The following SSH2 variants were observed in gnomAD, a reference collection of about 807,000 sequenced individuals.
SSH2 encodes the protein protein phosphatase Slingshot homolog 2.
SSH2 carries 37 observed loss-of-function variants against 135.2 expected under a neutral mutation model. The ratio of observed to expected loss-of-function variants is 0.27; its 90% CI spans 0.21 to 0.36. SSH2 has a LOEUF of 0.36. Ranked by LOEUF, SSH2 falls within the 10% of genes least tolerant of loss-of-function variation. The pLI is 1.00. For synonymous variants in SSH2, 628 were observed against 646.2 expected (o/e 0.97, Z 0.43); for missense variants, 1,408 against 1,765.3 (o/e 0.80, Z 3.63).
At chr17:29,780,432 T>C (rs1174842623) in intron 3 of SSH2, 1 of 136,332 alleles carries the variant, frequency 7.3e-6, no homozygotes, top group Non-Finnish European at 1.6e-5. Context: ...TGAGATTGTT[T>C]CAATTTTTTT....
intron 3 of SSH2, among the ~76,000 whole-genome samples, chr17:29,776,964 C>T (rs897113642): frequency 6.6e-6 from 1 of 152,198 alleles, no homozygotes; most frequent in Non-Finnish European, 1.5e-5. Context: ...GTAATCCCAA[C>T]ACTGTGGGAG....
chr17:29,761,871 G>GTGTGTA (rs1334168372), intron 3 of SSH2, among the ~76,000 whole-genome samples: 35 of 98,776 alleles, frequency 3.5e-4, no homozygotes, highest in African/African-American at 1.2e-3. Context: ...GTGTGTGTGT[G>GTGTGTA]TATATATATA....
intron 6 of SSH2, among the ~76,000 whole-genome samples, chr17:29,678,715 T>TTTC (rs1430091216): frequency 6.4e-5 from 9 of 140,558 alleles, no homozygotes; most frequent in East Asian, 6.2e-4. Context: ...TACTATTTCT[T>TTTC]TTTTTTTTTT....
In SSH2 at chr17:29,672,034, T is replaced by C. The variant is rs1477128739; in HGVS notation, c.710A>G (p.Glu237Gly). The C allele has an allele frequency of 1.2e-6, 2 of 1,614,056 alleles. No individual in the cohort carries two copies. The highest frequency in any genetic ancestry group is 1.7e-6 in the Non-Finnish European group (2 of 1,179,882). Residue 237 changes from glutamate to glycine, a missense_variant, in exon 9 of 16, where the codon GAG becomes GGG. Around this residue, in one of 3 missense-constraint regions of SSH2, gnomAD observed 222 missense variants for 355.6 expected, o/e 0.62. Transcript: ENST00000540801. ...SLFLTWVSYY[E>G]SHINSDQSSV... Reference sequence around the variant, plus strand: ...GGATTGATCTGAGTTGATATGGCTCTCATAATAACTCACCCAAGTGAGAAA... The same window carrying C: ...GGATTGATCTGAGTTGATATGGCTCCCATAATAACTCACCCAAGTGAGAAA...
chr17:29,753,422 C>T (rs1046052323), intron 3 of SSH2, among the ~76,000 whole-genome samples: 1 of 151,876 alleles, frequency 6.6e-6, no homozygotes, highest in Non-Finnish European at 1.5e-5. Context: ...TGAGCCACTG[C>T]GCCCGGCTTA....
At chr17:29,637,180 T>A (rs1442519205) in intron 14 of SSH2, among the ~76,000 whole-genome samples, 2 of 152,110 alleles carry the variant, frequency 1.3e-5, no homozygotes, top group Non-Finnish European at 2.9e-5. Context: ...CTTACTGCAA[T>A]CTCTGCCTCC....
intron 3 of SSH2, among the ~76,000 whole-genome samples, chr17:29,784,065 CAAAAAAAAAAAAAA>C (rs71138857): frequency 1.1e-3 from 9 of 8,230 alleles, no homozygotes; most frequent in South Asian, 4.5e-3. Flanking sequence ...GACTCCGTCT[CAAAAAAAAAAAAAA>C]AAAAAAAAAA....
intron 3 of SSH2, among the ~76,000 whole-genome samples, chr17:29,725,973 A>G (rs1266099417): frequency 6.6e-6 from 1 of 152,090 alleles, no homozygotes; most frequent in Non-Finnish European, 1.5e-5. Flanking sequence ...AGAGACAAAT[A>G]AGTAAAATGT....
At chr17:29,709,015 T>TATATATATATATATATATATATATAG (rs780981175) in intron 3 of SSH2, among the ~76,000 whole-genome samples, 1 of 81,590 alleles carries the variant, frequency 1.2e-5, no homozygotes, top group African/African-American at 4.1e-5. Flanking sequence ...TATATATATA[T>TATATATATATATATATATATATATAG]AGAGAGAGAG....
chr17:29,691,435 C>T (rs1026953037), intron 5 of SSH2, among the ~76,000 whole-genome samples: 1 of 152,018 alleles, frequency 6.6e-6, no homozygotes, highest in Non-Finnish European at 1.5e-5. Context: ...ATGCTTGATG[C>T]CTGTATTTGG....
chr17:29,814,038 G>A (rs1486431200), intron 2 of SSH2, among the ~76,000 whole-genome samples: 3 of 144,592 alleles, frequency 2.1e-5, no homozygotes, highest in Non-Finnish European at 4.5e-5. Context: ...GCTGAGGCAG[G>A]AGAATGGCGT....
chr17:29,696,624 C>T lies in SSH2; in HGVS notation c.293-1101G>A, dbSNP rs369084482. 2.6e-3 allele frequency among the ~76,000 whole-genome samples: 117 copies of T among 45,152 alleles called. 2 individuals carry two copies. Among genetic ancestry groups the T allele is most frequent in the East Asian group, 8.3e-3 (4 of 484 alleles). 29.6% of individuals were successfully genotyped at this position (45,152 alleles called of 152,430 possible). On this transcript the variant is annotated intron_variant, in intron 4 of 15. Coordinates refer to ENST00000540801, the MANE Select transcript of SSH2 (RefSeq NM_001282129.2). ...AAAAACATATATACATATATATATA[C>T]ACACACACACACACACACACACACC...
chr17:29,753,656 C>T (rs541311620), intron 3 of SSH2, among the ~76,000 whole-genome samples: 15 of 151,458 alleles, frequency 9.9e-5, no homozygotes, highest in South Asian at 4.2e-4. Flanking sequence ...ATTAGCTGGG[C>T]GTGGTGGCGG....
chr17:29,887,479 T>C (rs2066260633), intron 1 of SSH2, among the ~76,000 whole-genome samples: 2 of 152,222 alleles, frequency 1.3e-5, no homozygotes. Context: ...CTTTGGTACG[T>C]GCTTTCAAGA....
chr17:29,712,222 G>A (rs1327739267), intron 3 of SSH2, among the ~76,000 whole-genome samples: 1 of 152,168 alleles, frequency 6.6e-6, no homozygotes, highest in Non-Finnish European at 1.5e-5. Flanking sequence ...ACTGGGCAGA[G>A]GAGGGATGAC....
intron 3 of SSH2, among the ~76,000 whole-genome samples, chr17:29,745,548 T>C (rs893814554): frequency 1.3e-5 from 2 of 152,212 alleles, no homozygotes; most frequent in African/African-American, 2.4e-5. Flanking sequence ...GTGCTCTTAT[T>C]TATCCCTTCA....
Position 29,746,383 on chromosome 17 carries a change from T to TA in SSH2, c.189-43322dup, listed in dbSNP as rs201957415. 4.0e-3 allele frequency among the ~76,000 whole-genome samples: 593 copies of TA among 148,172 alleles called. 5 individuals carry two copies. The highest frequency in any genetic ancestry group is 0.013 in the African/African-American group (528 of 40,336). ...CAACATAGCGAAACTCCGCCTCTAC[T>TA]AAAAAAAAACAAAAATTAGCCGGGT... On this transcript the variant is annotated intron_variant, in intron 3 of 15. Coordinates refer to ENST00000540801, the MANE Select transcript of SSH2 (RefSeq NM_001282129.2).
In SSH2 at chr17:29,732,565, C is replaced by T. The variant is rs564397387; in HGVS notation, c.189-29503G>A. Among the ~76,000 whole-genome samples, 18 of 152,258 alleles carry T rather than the reference C, an allele frequency of 1.2e-4. No individual in the cohort carries two copies. The South Asian group carries it at 2.7e-3, about 23-fold the overall frequency. On this transcript the variant is annotated intron_variant, in intron 3 of 15. Transcript: ENST00000540801. Reference sequence around the variant, plus strand: ...CCTATAAGCAGAACAAAAAGTGTTCCTATTTCGTTAAATATAATTCTAACA... The same window carrying T: ...CCTATAAGCAGAACAAAAAGTGTTCTTATTTCGTTAAATATAATTCTAACA...
intron 3 of SSH2, among the ~76,000 whole-genome samples, chr17:29,782,500 G>A (rs991687071): frequency 6.6e-6 from 1 of 152,070 alleles, no homozygotes; most frequent in Non-Finnish European, 1.5e-5. Flanking sequence ...TGGAAGTCAT[G>A]TTATACATTT....
Sources: allele counts gnomAD v4.1 joint callset (sites outside exome capture counted in the v4.1 genomes callset), GRCh38; gene constraint gnomAD v4.1.1; regional missense constraint gnomAD v4.1.1; transcripts MANE v1.5; gene names NCBI Gene and HGNC (gene_info 2026-07-23, HGNC 2026-07-21).